TOX2: variants seen among roughly 807,000 people sequenced by gnomAD.
TOX2 encodes TOX high mobility group box family member 2.
A neutral mutation model predicts 47.4 loss-of-function variants in TOX2; 15 were observed. The ratio of observed to expected loss-of-function variants is 0.32; its 90% confidence interval spans 0.21 to 0.49. The LOEUF is 0.49. Ranked by LOEUF, TOX2 falls within the 20% of genes least tolerant of loss-of-function variation. The pLI, the probability that TOX2 is intolerant of heterozygous loss-of-function variation, is 0.99. For missense variants in TOX2, 622 were observed against 673.1 expected (o/e 0.92, Z 0.84); for synonymous variants, 290 against 296.6 (o/e 0.98, Z 0.23).
chr20:43,992,970 T>C (rs2145556139), intron 2 of TOX2, among the ~76,000 whole-genome samples: 1 of 152,236 alleles, frequency 6.6e-6, no homozygotes, highest in East Asian at 1.9e-4. Context: ...TGGTCCTCCT[T>C]ATACCCACCA....
chr20:43,922,488 C>T (rs2069122505), intron 1 of TOX2, among the ~76,000 whole-genome samples: 1 of 152,154 alleles, frequency 6.6e-6, no homozygotes, highest in Admixed American at 6.5e-5. Flanking sequence ...GGGCTTCAGT[C>T]CACTGTCTCC....
rs1224885989 is a variant in TOX2, at chr20:43,979,366, T to A, written c.165+5934T>A. Among the ~76,000 whole-genome samples, 4 of 152,132 alleles carry A rather than the reference T, an allele frequency of 2.6e-5. No individual in the cohort carries two copies. In the East Asian group the frequency reaches 7.7e-4, roughly 29 times the overall value. On this transcript the variant is annotated intron_variant, in intron 2 of 8. Coordinates refer to ENST00000341197, the MANE Select transcript of TOX2 (RefSeq NM_001098797.2). ...AAGGCAAAGTAGAGGAGGAGAAGAC[T>A]GTGAAATAGATTAAGAAGGAGTGGT...
At chr20:43,944,390 G>A (rs1243836017) in intron 1 of TOX2, among the ~76,000 whole-genome samples, 2 of 152,196 alleles carry the variant, frequency 1.3e-5, no homozygotes, top group African/African-American at 2.4e-5. Context: ...CTCTCTTTGG[G>A]GAAGAAGGAG....
At chr20:44,008,623 G>GT (rs1349224032) in intron 3 of TOX2, among the ~76,000 whole-genome samples, 4 of 152,070 alleles carry the variant, frequency 2.6e-5, no homozygotes, top group Non-Finnish European at 4.4e-5. Flanking sequence ...TGGTAGAACA[G>GT]TAGAGCATTT....
At chr20:44,011,897 A>C (rs1245024706) in intron 3 of TOX2, among the ~76,000 whole-genome samples, 1 of 152,234 alleles carries the variant, frequency 6.6e-6, no homozygotes, top group Non-Finnish European at 1.5e-5. Flanking sequence ...CTTTGAAGGT[A>C]TGGCAGCTAG....
chr20:44,056,679 T>C (rs181152894), intron 5 of TOX2, among the ~76,000 whole-genome samples: 1 of 152,216 alleles, frequency 6.6e-6, no homozygotes, highest in African/African-American at 2.4e-5. Flanking sequence ...TCCTTTTACT[T>C]AATGCGTTCT....
At chr20:44,013,010 G>A (rs933149331) in intron 3 of TOX2, among the ~76,000 whole-genome samples, 3 of 152,180 alleles carry the variant, frequency 2.0e-5, no homozygotes, top group Non-Finnish European at 4.4e-5. Flanking sequence ...TTGGGGAAGG[G>A]GCTGAGCTGT....
intron 5 of TOX2, among the ~76,000 whole-genome samples, chr20:44,062,408 G>GAAT (rs2071737399): frequency 1.2e-5 from 1 of 84,760 alleles, no homozygotes; most frequent in Non-Finnish European, 2.7e-5. Context: ...ATAAATAAAT[G>GAAT]AATAAATAAA....
At chr20:44,056,830 T>G (rs2071626743) in intron 5 of TOX2, among the ~76,000 whole-genome samples, 3 of 152,218 alleles carry the variant, frequency 2.0e-5, no homozygotes, top group Admixed American at 2.0e-4. Context: ...TTCCTGAGTC[T>G]TCTAGGTTTA....
chr20:43,916,247 G>T lies in TOX2; in HGVS notation c.99+1257G>T. On this transcript the variant is annotated intron_variant, in intron 1 of 8. Coordinates refer to ENST00000341197, the MANE Select transcript of TOX2 (RefSeq NM_001098797.2). This position sits in a 1 kb window ranked among gnomAD's most constrained non-coding sequence, Gnocchi z 5.0. ...CAGTGGCTGGATCGGCGCCCCCCAGGGTCTCTCCCCAACCTCGCAGGCTTT... is the reference window on the plus strand; with the variant it reads ...CAGTGGCTGGATCGGCGCCCCCCAGTGTCTCTCCCCAACCTCGCAGGCTTT... 1.0e-6 allele frequency: 1 copy of T among 984,502 alleles called. No individual in the cohort carries two copies. The highest frequency in any genetic ancestry group is 1.7e-5 in the African/African-American group (1 of 57,338). The allele number at this position is 984,502 out of a possible 1,614,324, so 61.0% of individuals were successfully genotyped here.
At chr20:43,997,709 C>G (rs1056942146) in intron 2 of TOX2, among the ~76,000 whole-genome samples, 7 of 152,082 alleles carry the variant, frequency 4.6e-5, no homozygotes, top group African/African-American at 1.7e-4. Context: ...GAGTTGAGTG[C>G]TGAGTTTGTC....
intron 1 of TOX2, among the ~76,000 whole-genome samples, chr20:43,926,571 A>G (rs1373888665): frequency 2.0e-5 from 3 of 152,146 alleles, no homozygotes; most frequent in Non-Finnish European, 1.5e-5. Flanking sequence ...CCTCTGTAGA[A>G]CAGCGAGCAT....
At chr20:44,049,229 A>AAGGT (rs1451174429) in intron 3 of TOX2, among the ~76,000 whole-genome samples, 4 of 152,248 alleles carry the variant, frequency 2.6e-5, no homozygotes, top group African/African-American at 9.6e-5. Context: ...AAGAGCCAAA[A>AAGGT]AGGTAAGGAA....
chr20:44,031,603 C>G (rs114360961), intron 3 of TOX2, among the ~76,000 whole-genome samples: 1,922 of 152,152 alleles, frequency 0.013, 46 homozygotes, highest in African/African-American at 0.044. Flanking sequence ...TTTCTGCCCT[C>G]AAAGAACCAA....
rs78795715 is a variant in TOX2 at position 43,990,608 on chromosome 20, T to G, written c.166-15939T>G. ...AGGTGATACCACAGAATGCAGTGTTTGGGGGCTACAGTGAGTTCACTGTGG... is the reference window on the plus strand; with the variant it reads ...AGGTGATACCACAGAATGCAGTGTTGGGGGGCTACAGTGAGTTCACTGTGG... On this transcript the variant is annotated intron_variant, in intron 2 of 8. Coordinates refer to ENST00000341197, the MANE Select transcript of TOX2 (RefSeq NM_001098797.2). Among the ~76,000 whole-genome samples, 789 of 152,254 alleles carry G rather than the reference T, an allele frequency of 5.2e-3. 7 individuals carry two copies. Among genetic ancestry groups the G allele is most frequent in the African/African-American group, 0.018 (749 of 41,536 alleles).
intron 1 of TOX2, among the ~76,000 whole-genome samples, chr20:43,943,465 T>C (rs898387458): frequency 2.0e-5 from 3 of 152,190 alleles, no homozygotes; most frequent in Admixed American, 6.5e-5. Flanking sequence ...TGACACCTTT[T>C]TCATGAGGCC....
At chr20:44,031,058 T>C (rs2071142367) in intron 3 of TOX2, among the ~76,000 whole-genome samples, 1 of 152,144 alleles carries the variant, frequency 6.6e-6, no homozygotes, top group Non-Finnish European at 1.5e-5. Context: ...TGCTGAGTTA[T>C]GGAGACAAGG....
At chr20:44,064,684 A>T in intron 5 of TOX2, 93 bp from the exon 6 acceptor site, 1 of 1,226,678 alleles carries the variant, frequency 8.2e-7, no homozygotes, top group Non-Finnish European at 1.2e-6. Flanking sequence ...TCCATTCGTG[A>T]TCCTTGAATC....
At chr20:44,054,227 A>G (rs2071577249) in intron 4 of TOX2, 72 bp from the exon 5 acceptor site, 2 of 1,502,206 alleles carry the variant, frequency 1.3e-6, no homozygotes, top group South Asian at 2.4e-5. Context: ...GCTCGGCCCA[A>G]GTCTGTGTTG....
Sources: allele counts gnomAD v4.1 joint callset (sites outside exome capture counted in the v4.1 genomes callset), GRCh38; gene constraint gnomAD v4.1.1; non-coding constraint Gnocchi (gnomAD v3.1); transcripts MANE v1.5; gene names NCBI Gene and HGNC (gene_info 2026-07-23, HGNC 2026-07-21).